Variants in CFAP77 observed in about 807,000 individuals in gnomAD.
The protein encoded by CFAP77 is cilia- and flagella-associated protein 77.
In CFAP77, 25 loss-of-function variants were observed where a neutral mutation model predicts 31.1. That is an observed-to-expected ratio of 0.80 (90% CI 0.59 to 1.12). The LOEUF is 1.12. CFAP77 is among the 50% of genes most tolerant of loss of function. The probability of loss-of-function intolerance (pLI) is 0.00; values close to 1 mark genes in which losing one functional copy is unlikely to be tolerated. For synonymous variants in CFAP77, 151 were observed against 159.9 expected, an observed-to-expected ratio of 0.94 and a Z score of 0.42; for missense variants, 377 against 397.3, an observed-to-expected ratio of 0.95 and a Z score of 0.44.
At chr9:132,426,677 C>T (rs1052822504) in intron 1 of CFAP77, among the ~76,000 whole-genome samples, 5 of 152,118 alleles carry the variant, frequency 3.3e-5, no homozygotes, top group Admixed American at 2.0e-4. Context: ...TTGTGCAGAG[C>T]GAGATTCCCC....
chr9:132,530,345 G>A (rs1224311902), intron 3 of CFAP77, among the ~76,000 whole-genome samples: 7 of 150,214 alleles, frequency 4.7e-5, no homozygotes, highest in East Asian at 1.9e-4. Context: ...GTGCAATCTC[G>A]GCTCACTGCA....
intron 1 of CFAP77, among the ~76,000 whole-genome samples, chr9:132,491,359 C>T (rs1589883675): frequency 2.0e-5 from 3 of 152,262 alleles, no homozygotes; most frequent in Admixed American, 2.0e-4. Flanking sequence ...CCCAGCTACT[C>T]AGGAGGCTGA....
At chr9:132,482,339 T>A in intron 1 of CFAP77, 1 of 1,613,948 alleles carries the variant, frequency 6.2e-7, no homozygotes, top group South Asian at 1.1e-5. Context: ...TGGGAACCTC[T>A]TATTCTGTTT....
Position 132,539,734 on chromosome 9 carries a change from T to C in CFAP77, c.630+2028T>C, listed in dbSNP as rs7030115. On this transcript the variant is annotated intron_variant, in intron 4 of 5. Coordinates refer to ENST00000393216, the MANE Select transcript of CFAP77 (RefSeq NM_001282957.2). The surrounding 1 kb of genome is among the most constrained non-coding windows in gnomAD (Gnocchi z 4.3). ...GCTCTTCTCAGCAGTCTGCAGAACGTCAGACACCTCATTAAAGAGCTCGGC... is the reference window on the plus strand; with the variant it reads ...GCTCTTCTCAGCAGTCTGCAGAACGCCAGACACCTCATTAAAGAGCTCGGC... Among the ~76,000 whole-genome samples, 60,362 of 151,918 alleles carry C rather than the reference T, an allele frequency of 0.4. 12,614 individuals are homozygous for C. The highest frequency in any genetic ancestry group is 0.54 in the African/African-American group (22,343 of 41,400).
chr9:132,562,404 C>T (rs955290247), intron 5 of CFAP77, among the ~76,000 whole-genome samples: 6 of 152,224 alleles, frequency 3.9e-5, no homozygotes, highest in Admixed American at 2.6e-4. Context: ...CTTTTCCTTC[C>T]GCCCCTTTCT....
intron 3 of CFAP77, among the ~76,000 whole-genome samples, chr9:132,524,372 G>A (rs1472908826): frequency 3.3e-5 from 5 of 151,716 alleles, no homozygotes; most frequent in South Asian, 2.1e-4. Flanking sequence ...AGGCCAAGGC[G>A]GGCGGATCAC....
intron 1 of CFAP77, among the ~76,000 whole-genome samples, chr9:132,469,095 G>A (rs559521895): frequency 1.8e-3 from 262 of 142,180 alleles, no homozygotes; most frequent in Non-Finnish European, 3.2e-3. Flanking sequence ...AAAAAGGCAT[G>A]CTCCCTTGTT....
chr9:132,533,556 G>T (rs999585704), intron 3 of CFAP77, among the ~76,000 whole-genome samples: 1 of 152,110 alleles, frequency 6.6e-6, no homozygotes, highest in Non-Finnish European at 1.5e-5. Flanking sequence ...ATATTAGGTT[G>T]GTACAAAAGT....
At chr9:132,453,310 A>AACCCGGGATTT (rs1554738146) in intron 1 of CFAP77, among the ~76,000 whole-genome samples, 239 of 152,110 alleles carry the variant, frequency 1.6e-3, no homozygotes, top group African/African-American at 4.5e-3. Context: ...GGATTGCCTG[A>AACCCGGGATTT]GCTCCGGAGT....
At chr9:132,569,898 G>A (rs974748078) in intron 5 of CFAP77, among the ~76,000 whole-genome samples, 2 of 151,992 alleles carry the variant, frequency 1.3e-5, no homozygotes, top group Non-Finnish European at 2.9e-5. Context: ...ACCACACCCA[G>A]CTAATTTTTG....
rs1301401196 is a variant in CFAP77 at position 132,497,486 on chromosome 9, A to G, written c.196-1209A>G. 6.6e-6 allele frequency among the ~76,000 whole-genome samples: 1 copy of G among 152,200 alleles called. No individual in the cohort carries two copies. Among genetic ancestry groups the G allele is most frequent in the Non-Finnish European group, 1.5e-5 (1 of 68,024 alleles). On this transcript the variant is annotated intron_variant, in intron 1 of 5. Coordinates refer to ENST00000393216, the MANE Select transcript of CFAP77 (RefSeq NM_001282957.2). The surrounding 1 kb of genome is among the most constrained non-coding windows in gnomAD (Gnocchi z 4.9). ...CCTGTGGCCTGTGGACAGTGGAAGG[A>G]GCAGCTGCACCCACCCTTCTCAGTA...
chr9:132,474,742 AG>A (rs1232978202), intron 1 of CFAP77, among the ~76,000 whole-genome samples: 2 of 152,220 alleles, frequency 1.3e-5, no homozygotes, highest in African/African-American at 2.4e-5. Flanking sequence ...CGCGTGACTC[AG>A]GGCAGGTTGT....
chr9:132,534,336 G>C (rs1852507867), intron 3 of CFAP77, among the ~76,000 whole-genome samples: 1 of 152,064 alleles, frequency 6.6e-6, no homozygotes, highest in Admixed American at 6.6e-5. Flanking sequence ...TTTCCGGCCG[G>C]GCACGGTGGC....
intron 1 of CFAP77, among the ~76,000 whole-genome samples, chr9:132,427,479 G>A (rs2131686641): frequency 6.6e-6 from 1 of 152,164 alleles, no homozygotes; most frequent in Admixed American, 6.5e-5. Flanking sequence ...CAGGTATTTT[G>A]GCTGGGTACG....
At chr9:132,473,691 A>AT (rs1028148864) in intron 1 of CFAP77, among the ~76,000 whole-genome samples, 19 of 150,768 alleles carry the variant, frequency 1.3e-4, no homozygotes, top group Non-Finnish European at 1.8e-4. Context: ...TTGGAGTTCT[A>AT]TTTTTTTTTG....
Position 132,497,701 on chromosome 9 carries a change from C to G in CFAP77, c.196-994C>G, listed in dbSNP as rs536035555. On this transcript the variant is annotated intron_variant, in intron 1 of 5. Transcript: ENST00000393216. The surrounding 1 kb of genome is among the most constrained non-coding windows in gnomAD (Gnocchi z 4.9). ...TGTGCCTCAGCTTCCCCCTGAGAAA[C>G]GGGGATGGTAATGAGACCTGCCTCA... 1.1e-4 allele frequency among the ~76,000 whole-genome samples: 17 copies of G among 152,224 alleles called. No individual in the cohort carries two copies. The East Asian group carries it at 2.9e-3, about 26-fold the overall frequency.
chr9:132,571,856 C>T (rs1401182914), intron 5 of CFAP77, among the ~76,000 whole-genome samples: 1 of 151,234 alleles, frequency 6.6e-6, no homozygotes. Context: ...TGAAGAGGCT[C>T]CCACTCTTTG....
At chr9:132,561,275 T>C (rs146285486) in intron 5 of CFAP77, among the ~76,000 whole-genome samples, 60 of 152,298 alleles carry the variant, frequency 3.9e-4, no homozygotes, top group African/African-American at 1.3e-3. Context: ...CCTGAGCAGT[T>C]GTCACTTAAA....
chr9:132,515,569 C>A (rs1346264160), intron 3 of CFAP77, among the ~76,000 whole-genome samples: 1 of 152,182 alleles, frequency 6.6e-6, no homozygotes, highest in East Asian at 1.9e-4. Context: ...AGGCACGGGG[C>A]CTTCTCGGCC....
Sources: gnomAD v4.1 joint callset for allele counts (sites outside exome capture counted in the v4.1 genomes callset) on GRCh38, gnomAD v4.1.1 for gene constraint, Gnocchi (gnomAD v3.1) non-coding constraint, MANE v1.5 for transcripts, NCBI Gene and HGNC (gene_info 2026-07-23, HGNC 2026-07-21) for gene names.